Variants in GREB1 observed in about 807,000 individuals in gnomAD.
GREB1 encodes growth regulating estrogen receptor binding 1, also known as protein GREB1.
A neutral mutation model predicts 200.7 loss-of-function variants in GREB1; 106 were observed. The observed-to-expected ratio is 0.53, with a 90% CI of 0.45 to 0.62. The LOEUF (loss-of-function observed/expected upper bound fraction) is 0.62. Among genes scored for constraint, GREB1 ranks in the 20% least tolerant of loss-of-function variants. The pLI is 0.00. For missense variants in GREB1, 2,243 were observed against 2,556.8 expected, an observed-to-expected ratio of 0.88 and a Z score of 2.65; for synonymous variants, 1,132 against 1,092.4, an observed-to-expected ratio of 1.04 and a Z score of -0.72.
chr2:11,626,813 G>T, intron 24 of GREB1, 149 bp from the exon 25 acceptor site: 1 of 728,544 alleles, frequency 1.4e-6, no homozygotes. Flanking sequence ...TGTCACGTCA[G>T]GGCCCAGGGA....
At position 11,562,511 on chromosome 2, in the gene GREB1, G is replaced by A. The variant is rs772776945; in HGVS notation, c.206G>A (p.Gly69Glu). 2 of 1,606,796 alleles carry A rather than the reference G, an allele frequency of 1.2e-6. No individual in the cohort carries two copies. The highest frequency in any genetic ancestry group is 3.4e-5 in the Admixed American group (2 of 59,090). ...NEEEEEEGEG[G>E]LETNGPPNPF... ...GAAGAGGAAGAAGAGGGAGAAGGAG[G>A]GCTGGAAACAAATGGCCCCCCAAAC... The change falls in exon 3 of 33, where the codon GGG (glycine) becomes GAG (glutamate). Residue 69 changes from glycine (G) to glutamate (E), a missense_variant. By Grantham distance (98) the Gly-to-Glu change is moderately conservative (BLOSUM62 -2). Transcript: ENST00000381486.
chr2:11,526,848 G>A (rs111461091), intron 1 of GREB1, among the ~76,000 whole-genome samples: 1,809 of 152,136 alleles, frequency 0.012, 48 homozygotes, highest in African/African-American at 0.041. Flanking sequence ...ATGAGCCACC[G>A]CTCCCGGCTT....
intron 3 of GREB1, among the ~76,000 whole-genome samples, chr2:11,564,760 G>C (rs78453224): frequency 3.7e-4 from 57 of 152,272 alleles, no homozygotes; most frequent in African/African-American, 1.3e-3. Context: ...CCCTGTATTA[G>C]TCCATTTTCA....
chr2:11,640,662 G>C lies in GREB1; in HGVS notation c.*208G>C. 5.2e-6 allele frequency: 3 copies of C among 573,790 alleles called. No individual in the cohort carries two copies. Among genetic ancestry groups the C allele is most frequent in the Non-Finnish European group, 9.1e-6 (3 of 331,246 alleles). 35.5% of individuals were successfully genotyped at this position (573,790 alleles called of 1,614,324 possible). On this transcript the variant is annotated 3_prime_UTR_variant, in exon 33 of 33. Transcript: ENST00000381486. This position sits in a 1 kb window ranked among gnomAD's most constrained non-coding sequence, Gnocchi z 4.6. ...GCAGTGGGTGAGAATGAAAACTTGA[G>C]ACTCCCAAGTTCTGGGCCAGCCCAT...
chr2:11,536,917 T>TA (rs1050473160), intron 1 of GREB1, among the ~76,000 whole-genome samples: 4 of 144,960 alleles, frequency 2.8e-5, no homozygotes, highest in Non-Finnish European at 5.9e-5. Flanking sequence ...AAGCATGTTT[T>TA]AAAAAACCTT....
chr2:11,511,697 A>T (rs1459403632), intron 1 of GREB1, among the ~76,000 whole-genome samples: 1 of 152,032 alleles, frequency 6.6e-6, no homozygotes, highest in Non-Finnish European at 1.5e-5. Context: ...TGAGACCCTG[A>T]GCTTAGGGGA....
At chr2:11,613,750 G>A (rs1683140716) in intron 19 of GREB1, among the ~76,000 whole-genome samples, 1 of 152,126 alleles carries the variant, frequency 6.6e-6, no homozygotes, top group Non-Finnish European at 1.5e-5. Flanking sequence ...GGTACCTTCT[G>A]GTACCTTCTT....
At chr2:11,581,069 C>G in intron 7 of GREB1, 1 of 659,726 alleles carries the variant, frequency 1.5e-6, no homozygotes, top group Non-Finnish European at 2.8e-6. Context: ...AGTGAGACAC[C>G]TGTGGTAATG....
intron 3 of GREB1, among the ~76,000 whole-genome samples, chr2:11,563,511 CT>C (rs138304415): frequency 3.9e-4 from 59 of 152,342 alleles, no homozygotes; most frequent in African/African-American, 1.4e-3. Context: ...GTGAGTTCAT[CT>C]GTCTGACACC....
rs1033548852 is a variant in GREB1 at position 11,610,938 on chromosome 2, C to G, written c.2917C>G (p.Arg973Gly). The G allele has an allele frequency of 6.2e-7, 1 of 1,611,112 alleles. No homozygotes were observed. The highest frequency in any genetic ancestry group is 1.7e-5 in the Admixed American group (1 of 59,764). ...TGAGCGGCTGGCCCACGTGCGGGCC[C>G]GGCTGGCGCTGGAGGAGCACTTTGA... ...AYERLAHVRA[R>G]LALEEHFEII... Residue 973 changes from arginine to glycine, a missense_variant, in exon 18 of 33, where the codon CGG becomes GGG. By Grantham distance (125) the Arg-to-Gly change is moderately radical. Transcript: ENST00000381486.
At position 11,538,634 on chromosome 2, in the gene GREB1, T is replaced by C. The variant is rs62118294; in HGVS notation, c.-162+4380T>C. ...GTTTCTTTCTTTCTTTCTTTCTTTC[T>C]TTCTTTCTTTCTTTCTTTCTTTCTT... On this transcript the variant is annotated intron_variant, in intron 1 of 32. Transcript: ENST00000381486. 6.8e-3 allele frequency among the ~76,000 whole-genome samples: 169 copies of C among 24,894 alleles called. 2 individuals carry two copies. The highest frequency in any genetic ancestry group is 0.016 in the South Asian group (3 of 186). The allele number at this position is 24,894 out of a possible 152,430, so 16.3% of individuals were successfully genotyped here. A position where few individuals can be genotyped will look rare whatever the true frequency, so the allele number is the denominator to read the frequency against.
chr2:11,617,928 G>A (rs954859718), intron 21 of GREB1, among the ~76,000 whole-genome samples: 1 of 152,114 alleles, frequency 6.6e-6, no homozygotes, highest in African/African-American at 2.4e-5. Flanking sequence ...AGATGCCCCC[G>A]ATGGAGTCAG....
chr2:11,521,055 T>C (rs780518710), intron 1 of GREB1, among the ~76,000 whole-genome samples: 2 of 152,172 alleles, frequency 1.3e-5, no homozygotes, highest in East Asian at 3.9e-4. Context: ...CAGGCATGTA[T>C]AGGCAACTCA....
intron 1 of GREB1, among the ~76,000 whole-genome samples, chr2:11,536,601 G>T (rs1196294744): frequency 6.6e-6 from 1 of 152,190 alleles, no homozygotes; most frequent in African/African-American, 2.4e-5. Flanking sequence ...AGAGCATTAT[G>T]TATAGAATAG....
In GREB1 at chr2:11,523,471, G is replaced by A. The variant is rs552309796; in HGVS notation, c.-158-32986G>A. Reference sequence around the variant, plus strand: ...TGGAAGCTAATTGCTATTGGTCTTGGGATGCCATGGTAGATGGTCCATAAA... The same window carrying A: ...TGGAAGCTAATTGCTATTGGTCTTGAGATGCCATGGTAGATGGTCCATAAA... On this transcript the variant is annotated intron_variant, in intron 1 of 2. Coordinates refer to the GREB1 transcript ENST00000628795. Among the ~76,000 whole-genome samples, 9 of 152,226 alleles carry A rather than the reference G, an allele frequency of 5.9e-5. No homozygotes were observed. In the East Asian group the frequency reaches 1.7e-3, roughly 29 times the overall value.
chr2:11,591,526 T>C, intron 10 of GREB1: 1 of 703,720 alleles, frequency 1.4e-6, no homozygotes, highest in Non-Finnish European at 2.7e-6. Flanking sequence ...AATCAAGTCA[T>C]CTTTTTCTGA....
chr2:11,567,530 T>G (rs61039324), intron 4 of GREB1, among the ~76,000 whole-genome samples: 4,985 of 152,278 alleles, frequency 0.033, 236 homozygotes, highest in African/African-American at 0.1. Flanking sequence ...AACCCAAGTC[T>G]TCCTGGCTCC....
Position 11,576,394 on chromosome 2 carries a change from T to C in GREB1, c.496T>C (p.Cys166Arg), listed in dbSNP as rs765904936. The C allele has an allele frequency of 1.9e-6, 3 of 1,613,990 alleles. No individual in the cohort carries two copies. In the South Asian group the frequency reaches 3.3e-5, roughly 18 times the overall value. Reference sequence around the variant, plus strand: ...TGTTGGCTGTGGAAAGAAAGGCTTCTGTTACTTCACGGAATTCTCCAATCA... The same window carrying C: ...TGTTGGCTGTGGAAAGAAAGGCTTCCGTTACTTCACGGAATTCTCCAATCA... ...NCVGCGKKGF[C>R]YFTEFSNHIN... The change falls in exon 5 of 33, where the codon TGT becomes CGT. Residue 166 changes from cysteine to arginine, a missense_variant. By Grantham distance (180) the Cys-to-Arg change is radical. Coordinates refer to ENST00000381486, the MANE Select transcript of GREB1 (RefSeq NM_014668.4).
intron 4 of GREB1, 74 bp from the exon 5 acceptor site, chr2:11,576,279 C>T (rs997512309): frequency 2.4e-6 from 3 of 1,237,124 alleles, no homozygotes; most frequent in African/African-American, 3.0e-5. Context: ...TGCATTCCAG[C>T]CTAGATGACA....
Sources: gnomAD v4.1 joint callset for allele counts (sites outside exome capture counted in the v4.1 genomes callset) on GRCh38, gnomAD v4.1.1 for gene constraint, Gnocchi (gnomAD v3.1) non-coding constraint, MANE v1.5 for transcripts, NCBI Gene and HGNC (gene_info 2026-07-23, HGNC 2026-07-21) for gene names.